Variants in CD226 observed in about 807,000 individuals in gnomAD.
The protein encoded by CD226 is CD226 molecule.
A neutral mutation model predicts 34.9 loss-of-function variants in CD226; 24 were observed. The ratio of observed to expected loss-of-function variants is 0.69; its 90% CI spans 0.50 to 0.97. The LOEUF (loss-of-function observed/expected upper bound fraction) is 0.97, where lower values mean the gene tolerates loss of function less well. Ranked by LOEUF, CD226 falls within the 50% of genes least tolerant of loss-of-function variation. The probability of loss-of-function intolerance (pLI) is 0.00; values close to 1 mark genes in which losing one functional copy is unlikely to be tolerated. For missense variants in CD226, 397 were observed against 412.7 expected (o/e 0.96, Z 0.33); for synonymous variants, 148 against 147.4 (o/e 1.00, Z -0.03).
chr18:69,955,630 G>C (rs538193808), intron 1 of CD226, among the ~76,000 whole-genome samples: 1 of 152,204 alleles, frequency 6.6e-6, no homozygotes, highest in East Asian at 1.9e-4. Context: ...AGTGAAGGCC[G>C]AGGCGGGCGG....
In CD226 at chr18:69,892,182, G is replaced by A. The variant is rs139714116; in HGVS notation, c.727+3519C>T. 1.3e-4 allele frequency among the ~76,000 whole-genome samples: 20 copies of A among 152,288 alleles called. No individual in the cohort carries two copies. The East Asian group carries it at 3.1e-3, about 23-fold the overall frequency. On this transcript the variant is annotated intron_variant, in intron 3 of 5. Transcript: ENST00000582621. ...TTATACTTATCAATAGCAAACAGAA[G>A]TTTTTTCAATATTAGCCTCCTCCAG...
rs537283610 is a variant in CD226 at position 69,896,158 on chromosome 18, T to G, written c.383-113A>C. On this transcript the variant is annotated intron_variant, in intron 2 of 5. Coordinates refer to ENST00000582621, the MANE Select transcript of CD226 (RefSeq NM_001303618.2). ...GATGTTACCTAACACAGTTCTTCCG[T>G]TGTGAATGACCTCTTTATACTACTT... 2.1e-6 allele frequency: 3 copies of G among 1,446,090 alleles called. No homozygotes were observed. In the Admixed American group the frequency reaches 8.2e-5, roughly 39 times the overall value. 89.6% of individuals were successfully genotyped at this position (1,446,090 alleles called of 1,614,324 possible). A position where few individuals can be genotyped will look rare whatever the true frequency, so the allele number is the denominator to read the frequency against.
chr18:69,906,573 T>C (rs1790958), intron 2 of CD226, among the ~76,000 whole-genome samples: 151,672 of 152,350 alleles, frequency 1, 75,499 homozygotes, highest in East Asian at 1. Flanking sequence ...TTCACCCTTA[T>C]GGCTCTCTCC....
intron 2 of CD226, among the ~76,000 whole-genome samples, chr18:69,922,510 G>C (rs1201764754): frequency 1.3e-5 from 2 of 152,166 alleles, no homozygotes; most frequent in Non-Finnish European, 2.9e-5. Flanking sequence ...CAAACTCCTA[G>C]GCTCAAGCAA....
chr18:69,859,622 T>C lies in CD226; in HGVS notation c.*4692A>G, dbSNP rs1038270207. ...AGCATGCTATTCAGAAAAGTGAACA[T>C]AAATAAAATAATGAGTTAGAAGTAG... On this transcript the variant is annotated 3_prime_UTR_variant, in exon 6 of 6. Transcript: ENST00000582621. 19 of 150,798 alleles carry C rather than the reference T, an allele frequency of 1.3e-4. No homozygotes were observed. Among genetic ancestry groups the C allele is most frequent in the African/African-American group, 4.1e-4 (17 of 41,154 alleles). The allele number at this position is 150,798 out of a possible 1,614,324, so 9.3% of individuals were successfully genotyped here.
Position 69,861,554 on chromosome 18 carries a change from G to GTGTATATA in CD226, c.*2759_*2760insTATATACA, listed in dbSNP as rs59216052. On this transcript the variant is annotated 3_prime_UTR_variant, in exon 6 of 6. Transcript: ENST00000582621. The stretch of plus-strand genomic sequence containing the variant: ...ATAAATTATATGTGTATATATATAT[G>GTGTATATA]TATATATATATATATATATGTAAAA... The GTGTATATA allele has an allele frequency of 9.4e-5, 12 of 127,946 alleles. No homozygotes were observed. Among genetic ancestry groups the GTGTATATA allele is most frequent in the South Asian group, 2.5e-4 (1 of 4,052 alleles). The allele number at this position is 127,946 out of a possible 1,614,324, so 7.9% of individuals were successfully genotyped here.
chr18:69,879,526 C>G (rs1984085213), intron 3 of CD226, among the ~76,000 whole-genome samples: 1 of 145,324 alleles, frequency 6.9e-6, no homozygotes, highest in Non-Finnish European at 1.5e-5. Flanking sequence ...GGCAGCCAGA[C>G]TTTAAGGTTA....
At chr18:69,904,313 A>G (rs1425448217) in intron 2 of CD226, among the ~76,000 whole-genome samples, 1 of 152,198 alleles carries the variant, frequency 6.6e-6, no homozygotes, top group African/African-American at 2.4e-5. Context: ...AGTATGTCCA[A>G]AGAGCGATTC....
At chr18:69,938,717 A>G (rs961504384) in intron 2 of CD226, among the ~76,000 whole-genome samples, 2 of 152,240 alleles carry the variant, frequency 1.3e-5, no homozygotes, top group African/African-American at 4.8e-5. Flanking sequence ...CCATATCAGA[A>G]TGAAGATTTC....
chr18:69,878,812 A>G (rs568552067), intron 3 of CD226, among the ~76,000 whole-genome samples: 57 of 152,282 alleles, frequency 3.7e-4, no homozygotes, highest in African/African-American at 1.3e-3. Context: ...GGGTCAAGCA[A>G]TTCCTGGTCA....
chr18:69,891,571 ATATATG>A (rs1460445826), intron 3 of CD226, among the ~76,000 whole-genome samples: 1 of 152,226 alleles, frequency 6.6e-6, no homozygotes, highest in Admixed American at 6.5e-5. Context: ...TGACATAATC[ATATATG>A]TATAAAACCC....
rs756015408 is a variant in CD226 at position 69,940,001 on chromosome 18, G to A, written c.382+6733C>T. Reference sequence around the variant, plus strand: ...GAGTTGTAGTTCCCATAACCCTCACGTGTCGTGGGAGAGACCAGGTGGAGA... The same window carrying A: ...GAGTTGTAGTTCCCATAACCCTCACATGTCGTGGGAGAGACCAGGTGGAGA... On this transcript the variant is annotated intron_variant, in intron 2 of 5. Coordinates refer to ENST00000582621, the MANE Select transcript of CD226 (RefSeq NM_001303618.2). Among the ~76,000 whole-genome samples, 11 of 152,326 alleles carry A rather than the reference G, an allele frequency of 7.2e-5. No homozygotes were observed. The East Asian group carries it at 7.7e-4, about 11-fold the overall frequency.
At chr18:69,907,455 A>C (rs10439010) in intron 2 of CD226, among the ~76,000 whole-genome samples, 1 of 152,088 alleles carries the variant, frequency 6.6e-6, no homozygotes, top group Non-Finnish European at 1.5e-5. Flanking sequence ...TTACAGGCAC[A>C]CACCACCATG....
At chr18:69,918,509 G>A (rs1388284026) in intron 2 of CD226, among the ~76,000 whole-genome samples, 2 of 152,232 alleles carry the variant, frequency 1.3e-5, no homozygotes, top group Non-Finnish European at 2.9e-5. Context: ...GGTGAGCCGA[G>A]ATTGTGCCAT....
chr18:69,874,734 A>C (rs545123644), intron 3 of CD226, among the ~76,000 whole-genome samples: 1 of 152,248 alleles, frequency 6.6e-6, no homozygotes, highest in East Asian at 1.9e-4. Flanking sequence ...TCTTTCACAA[A>C]CTTTACTGCA....
At chr18:69,869,526 A>T (rs1006051247) in intron 4 of CD226, among the ~76,000 whole-genome samples, 8 of 152,186 alleles carry the variant, frequency 5.3e-5, no homozygotes, top group African/African-American at 1.9e-4. Context: ...GGGAGAAGGG[A>T]GAGGATCAGG....
chr18:69,928,951 A>C (rs1241198543), intron 2 of CD226, among the ~76,000 whole-genome samples: 1 of 152,246 alleles, frequency 6.6e-6, no homozygotes, highest in Non-Finnish European at 1.5e-5. Flanking sequence ...GTATGCAGGG[A>C]CCAAGCCTTA....
chr18:69,947,436 A>AT lies in CD226; in HGVS notation c.-31dup, dbSNP rs1327743074. The stretch of plus-strand genomic sequence containing the variant: ...GGAAACTGTTTGAAAGGCTGGTTCT[A>AT]TTAAAAAAAAAAATTGCTTTTTATA... On this transcript the variant is annotated 5_prime_UTR_variant, in exon 1 of 6. Transcript: ENST00000582621. The AT allele has an allele frequency of 1.1e-5, 16 of 1,420,310 alleles. No homozygotes were observed. Among genetic ancestry groups the AT allele is most frequent in the Admixed American group, 2.8e-5 (1 of 36,194 alleles). The allele number at this position is 1,420,310 out of a possible 1,614,324, so 88.0% of individuals were successfully genotyped here.
At chr18:69,958,214 G>A (rs2055911833), upstream of CD226, among the ~76,000 whole-genome samples, 1 of 152,100 alleles carries the variant, frequency 6.6e-6, no homozygotes, top group Non-Finnish European at 1.5e-5. Context: ...GAGCCTGACA[G>A]GCACTTCCAG....
Sources: allele counts gnomAD v4.1 joint callset (sites outside exome capture counted in the v4.1 genomes callset), GRCh38; gene constraint gnomAD v4.1.1; transcripts MANE v1.5; gene names NCBI Gene and HGNC (gene_info 2026-07-23, HGNC 2026-07-21).